SMG1: variants seen among roughly 807,000 people sequenced by gnomAD.
SMG1 encodes serine/threonine-protein kinase SMG1.
In SMG1, 22 loss-of-function variants were observed where a neutral mutation model predicts 419.9. The observed-to-expected ratio is 0.05, with a 90% confidence interval of 0.04 to 0.07. SMG1 has a LOEUF of 0.07. Among genes scored for constraint, SMG1 ranks in the 10% least tolerant of loss-of-function variants. The pLI is 1.00. For synonymous variants in SMG1, 1,538 were observed against 1,553.5 expected (o/e 0.99, Z 0.23); for missense variants, 3,185 against 4,342.0 (o/e 0.73, Z 7.49).
At chr16:18,905,018 T>A (rs1271930156) in intron 1 of SMG1, among the ~76,000 whole-genome samples, 1 of 151,918 alleles carries the variant, frequency 6.6e-6, no homozygotes, top group South Asian at 2.1e-4. Flanking sequence ...TCCCAGCACT[T>A]TGGGAGGGTG....
In SMG1 at chr16:18,852,151, T is replaced by G. The variant is rs1388405975; in HGVS notation, c.4968A>C (p.Leu1656=). 9 of 1,613,756 alleles carry G rather than the reference T, an allele frequency of 5.6e-6. No individual in the cohort carries two copies. In the East Asian group the frequency reaches 2.0e-4, roughly 36 times the overall value. Residue 1656 remains leucine, a synonymous_variant, in exon 33 of 63, where the codon CTA becomes CTC. Coordinates refer to ENST00000446231, the MANE Select transcript of SMG1 (RefSeq NM_015092.5). ...LPREKSEVQN[L]LPDTITEEEK... ...CTTCCTCAGTTATAGTGTCTGGAAG[T>G]AGATTCTGAACTTCAGATTTTTCTC...
Position 18,812,108 on chromosome 16 carries a change from G to C in SMG1, c.10641C>G (p.Gly3547=). 4 of 1,613,146 alleles carry C rather than the reference G, an allele frequency of 2.5e-6. No homozygotes were observed. Among genetic ancestry groups the C allele is most frequent in the Non-Finnish European group, 3.4e-6 (4 of 1,179,506 alleles). ...SFAAAVRSNT[G]QKTQPDVMSQ... is the part of the protein sequence containing the mutation. ...ACATGACATCAGGCTGAGTCTTCTG[G>C]CCAGTGTTACTCCGGACTGCTACAG... Residue 3547 remains glycine (G), a synonymous_variant, in exon 61 of 63, where the codon GGC becomes GGG. Transcript: ENST00000446231.
chr16:18,811,824 T>C lies in SMG1; in HGVS notation c.10845A>G (p.Arg3615=). Residue 3615 remains arginine, a synonymous_variant, in exon 62 of 63, where the codon AGA becomes AGG. Transcript: ENST00000446231. ...CTCGGCCCTCTAACTTGGCTTTCAC[T>C]CTCTTCCACACACTCACTGCATAGG... ...RNSYAVSVWK[R]VKAKLEGRDV... The C allele has an allele frequency of 6.2e-7, 1 of 1,613,996 alleles. No homozygotes were observed. The highest frequency in any genetic ancestry group is 8.5e-7 in the Non-Finnish European group (1 of 1,179,872).
At position 18,882,179 on chromosome 16, in the gene SMG1, C is replaced by G; in HGVS notation, c.1279G>C (p.Ala427Pro). 1 of 1,577,074 alleles carries G rather than the reference C, an allele frequency of 6.3e-7. No individual in the cohort carries two copies. Among genetic ancestry groups the G allele is most frequent in the Non-Finnish European group, 8.6e-7 (1 of 1,163,916 alleles). ...SPIRGPPITE[A>P]YVTDVLYRVM... ...AAAGCACTTACATCTGTTACATATG[C>G]CTCAGTAATTGGAGGACCCCGAATT... The change falls in exon 10 of 63, where the codon GCA (alanine) becomes CCA (proline). Residue 427 changes from alanine (A) to proline (P), a missense_variant. Around this residue, in one of 27 missense-constraint regions of SMG1, gnomAD observed 52 missense variants for 69.0 expected, o/e 0.75. Coordinates refer to ENST00000446231, the MANE Select transcript of SMG1 (RefSeq NM_015092.5).
intron 3 of SMG1, among the ~76,000 whole-genome samples, chr16:18,892,641 G>A (rs907229668): frequency 1.3e-5 from 2 of 152,048 alleles, no homozygotes; most frequent in Admixed American, 6.6e-5. Flanking sequence ...GCTGAGGCAG[G>A]AGAATCACTG....
intron 11 of SMG1, chr16:18,879,130 T>G: frequency 3.4e-6 from 1 of 292,744 alleles, no homozygotes; most frequent in Non-Finnish European, 6.6e-6. Flanking sequence ...TTTTTTTCTT[T>G]TTTGGAGACA....
At chr16:18,818,594 G>A (rs1596464970) in intron 56 of SMG1, among the ~76,000 whole-genome samples, 1 of 152,004 alleles carries the variant, frequency 6.6e-6, no homozygotes, top group East Asian at 1.9e-4. Context: ...ATAAAATTAT[G>A]CACTATTTGG....
intron 49 of SMG1, 78 bp downstream of exon 49, chr16:18,834,814 G>A (rs954090604): frequency 6.8e-7 from 1 of 1,464,648 alleles, no homozygotes; most frequent in Non-Finnish European, 9.3e-7. Context: ...CAAGACTAAG[G>A]AAAGTAAAAG....
intron 28 of SMG1, chr16:18,858,607 A>G: frequency 4.6e-6 from 1 of 215,106 alleles, no homozygotes; most frequent in Non-Finnish European, 9.1e-6. Context: ...CTGCAGAAAA[A>G]CATTACAACT....
At chr16:18,908,476 CAAAAAAAA>C (rs59890240) in intron 1 of SMG1, among the ~76,000 whole-genome samples, 1 of 83,708 alleles carries the variant, frequency 1.2e-5, no homozygotes, top group Non-Finnish European at 2.3e-5. Context: ...GACTCCGTCT[CAAAAAAAA>C]AAAAAAAAAA....
chr16:18,890,976 G>C, intron 4 of SMG1, 55 bp from the exon 5 acceptor site: 3 of 877,438 alleles, frequency 3.4e-6, no homozygotes, highest in Non-Finnish European at 5.8e-6. Context: ...TTTAAGAATA[G>C]CATTGTGTAC....
At chr16:18,874,414 C>G (rs770087200) in intron 13 of SMG1, among the ~76,000 whole-genome samples, 17 of 151,824 alleles carry the variant, frequency 1.1e-4, no homozygotes, top group Non-Finnish European at 2.1e-4. Context: ...GCTGGGTTTA[C>G]AGGTGTCAGC....
chr16:18,862,766 C>T (rs1326277481), intron 25 of SMG1, among the ~76,000 whole-genome samples: 3 of 152,154 alleles, frequency 2.0e-5, no homozygotes, highest in African/African-American at 7.2e-5. Flanking sequence ...AGCCAAAGTT[C>T]TTTTCTCAGT....
At chr16:18,852,864 T>C (rs1329741750) in intron 31 of SMG1, among the ~76,000 whole-genome samples, 1 of 152,216 alleles carries the variant, frequency 6.6e-6, no homozygotes, top group Non-Finnish European at 1.5e-5. Context: ...ACTGTTTCAT[T>C]CATACAGACT....
intron 50 of SMG1, 30 bp from the exon 51 acceptor site, chr16:18,833,196 TG>T (rs1345103364): frequency 6.3e-7 from 1 of 1,577,186 alleles, no homozygotes; most frequent in Non-Finnish European, 8.7e-7. Context: ...AAACTTTTAA[TG>T]TTTTTTGAGT....
At position 18,886,930 on chromosome 16, in the gene SMG1, G is replaced by C. The variant is rs2036636099; in HGVS notation, c.823-1264C>G. On this transcript the variant is annotated intron_variant, in intron 6 of 62. Transcript: ENST00000446231. The stretch of plus-strand genomic sequence containing the variant: ...GGGTAATTACAGAAATTTGAATATA[G>C]AACACATATGTAATAAAATTCATTT... Among the ~76,000 whole-genome samples, 4 of 152,064 alleles carry C rather than the reference G, an allele frequency of 2.6e-5. No individual in the cohort carries two copies. The South Asian group carries it at 8.3e-4, about 31-fold the overall frequency.
chr16:18,867,986 G>A (rs2035615773), intron 22 of SMG1, among the ~76,000 whole-genome samples: 1 of 152,120 alleles, frequency 6.6e-6, no homozygotes, highest in Non-Finnish European at 1.5e-5. Flanking sequence ...GGGATTACAG[G>A]CGTGAGCCAC....
At chr16:18,904,331 C>T (rs577162239) in intron 1 of SMG1, among the ~76,000 whole-genome samples, 7 of 150,124 alleles carry the variant, frequency 4.7e-5, no homozygotes, top group African/African-American at 1.5e-4. Flanking sequence ...TTAAAAAAAA[C>T]AAAAAACAAA....
At chr16:18,891,937 C>A (rs1009082480) in intron 4 of SMG1, among the ~76,000 whole-genome samples, 1 of 152,164 alleles carries the variant, frequency 6.6e-6, no homozygotes, top group African/African-American at 2.4e-5. Context: ...TGTAGTGGAA[C>A]ATGCCTGAAG....
Sources: allele counts gnomAD v4.1 joint callset (sites outside exome capture counted in the v4.1 genomes callset), GRCh38; gene constraint gnomAD v4.1.1; regional missense constraint gnomAD v4.1.1; transcripts MANE v1.5; gene names NCBI Gene and HGNC (gene_info 2026-07-23, HGNC 2026-07-21).